NBAS: variants seen among roughly 807,000 people sequenced by gnomAD.
NBAS encodes NBAS subunit of NRZ tethering complex, also known as NAG/BC035112 fusion.
In NBAS, 219 loss-of-function variants were observed where a neutral mutation model predicts 302.5. The ratio of observed to expected loss-of-function variants is 0.72; its 90% CI spans 0.65 to 0.81. NBAS has a LOEUF of 0.81. NBAS is among the 30% of genes least tolerant of loss of function. The pLI, the probability that NBAS is intolerant of heterozygous loss-of-function variation, is 0.00. For synonymous variants in NBAS, 1,118 were observed against 1,021.6 expected (o/e 1.09, Z -1.80); for missense variants, 2,932 against 2,841.6 (o/e 1.03, Z -0.72).
At chr2:15,341,124 A>C (rs1285631270) in intron 35 of NBAS, among the ~76,000 whole-genome samples, 1 of 152,146 alleles carries the variant, frequency 6.6e-6, no homozygotes, top group Non-Finnish European at 1.5e-5. Context: ...AGTGGCTCAC[A>C]CCTGTAATTC....
chr2:15,221,595 G>A (rs972596239), intron 47 of NBAS, among the ~76,000 whole-genome samples: 5 of 152,188 alleles, frequency 3.3e-5, no homozygotes, highest in Non-Finnish European at 5.9e-5. Flanking sequence ...GTGAACAACT[G>A]TTTCGGAGGA....
At chr2:14,956,924 G>C in the NBAS span, among the ~76,000 whole-genome samples, 1 of 152,128 alleles carries the variant, frequency 6.6e-6, no homozygotes, top group African/African-American at 2.4e-5. Context: ...TATGCAAAGT[G>C]ATCTTATTTG....
the NBAS span, among the ~76,000 whole-genome samples, chr2:14,826,157 G>T: frequency 2.0e-5 from 3 of 152,218 alleles, no homozygotes; most frequent in African/African-American, 7.2e-5. Flanking sequence ...ACAAGTTCAG[G>T]GCTTCTCACT....
At chr2:15,330,537 A>T (rs756525832) in intron 36 of NBAS, 61 bp downstream of exon 36, 21 of 1,599,346 alleles carry the variant, frequency 1.3e-5, no homozygotes, top group Middle Eastern at 1.7e-4. Context: ...CAACTGAAAC[A>T]TTGCTAATGA....
chr2:15,357,588 C>T (rs1287482784), intron 32 of NBAS, among the ~76,000 whole-genome samples: 1 of 152,150 alleles, frequency 6.6e-6, no homozygotes, highest in East Asian at 1.9e-4. Flanking sequence ...TGGTCTTAAA[C>T]TCCTGGGCTC....
At chr2:15,158,140 C>A in the NBAS span, among the ~76,000 whole-genome samples, 4 of 152,150 alleles carry the variant, frequency 2.6e-5, no homozygotes, top group African/African-American at 9.7e-5. Flanking sequence ...AAGGCCTCCT[C>A]CAGGACCAAG....
the NBAS span, among the ~76,000 whole-genome samples, chr2:14,892,218 G>A: frequency 6.6e-6 from 1 of 152,126 alleles, no homozygotes; most frequent in Non-Finnish European, 1.5e-5. Context: ...CCACAGTAAA[G>A]CCTTCAGCAA....
At chr2:15,190,921 T>C (rs566756479) in intron 48 of NBAS, among the ~76,000 whole-genome samples, 64 of 152,332 alleles carry the variant, frequency 4.2e-4, no homozygotes, top group African/African-American at 1.4e-3. Flanking sequence ...ATCCTTTATT[T>C]ATACCTCCAT....
chr2:15,086,146 T>A, the NBAS span, among the ~76,000 whole-genome samples: 1 of 152,010 alleles, frequency 6.6e-6, no homozygotes, highest in African/African-American at 2.4e-5. Context: ...CCAATCCCCA[T>A]GCACTTCCTC....
At chr2:15,382,411 G>T (rs1195387625) in intron 29 of NBAS, among the ~76,000 whole-genome samples, 1 of 152,162 alleles carries the variant, frequency 6.6e-6, no homozygotes, top group Admixed American at 6.5e-5. Flanking sequence ...TGGAAGCAAT[G>T]CACAAATAAA....
the NBAS span, among the ~76,000 whole-genome samples, chr2:14,882,800 G>A: frequency 6.6e-6 from 1 of 152,066 alleles, no homozygotes; most frequent in African/African-American, 2.4e-5. Context: ...ATTATCAAAT[G>A]CCATGTTTAT....
intron 42 of NBAS, 45 bp downstream of exon 42, chr2:15,287,028 A>G: frequency 1.4e-6 from 2 of 1,467,120 alleles, no homozygotes; most frequent in Non-Finnish European, 1.9e-6. Flanking sequence ...AATAGACTCT[A>G]AAGAAAGACA....
At chr2:15,302,494 C>T (rs554584841) in intron 40 of NBAS, among the ~76,000 whole-genome samples, 20 of 152,212 alleles carry the variant, frequency 1.3e-4, no homozygotes, top group African/African-American at 4.8e-4. Flanking sequence ...TGAACAGCGG[C>T]TACCCTATGT....
At chr2:14,979,399 G>C in the NBAS span, among the ~76,000 whole-genome samples, 3 of 152,288 alleles carry the variant, frequency 2.0e-5, no homozygotes, top group East Asian at 5.8e-4. Context: ...TAATACTTTA[G>C]TAATGGTAAA....
At chr2:14,959,806 C>G in the NBAS span, among the ~76,000 whole-genome samples, 1 of 152,196 alleles carries the variant, frequency 6.6e-6, no homozygotes, top group East Asian at 1.9e-4. Context: ...ATACAATATT[C>G]CCTGAGAAGC....
At chr2:15,396,798 A>C (rs543761723) in intron 26 of NBAS, among the ~76,000 whole-genome samples, 1 of 152,334 alleles carries the variant, frequency 6.6e-6, no homozygotes, top group Admixed American at 6.5e-5. Context: ...ATCACTCTTT[A>C]CTACTGTTCT....
At chr2:15,229,126 G>C (rs1667266172) in intron 47 of NBAS, among the ~76,000 whole-genome samples, 1 of 151,916 alleles carries the variant, frequency 6.6e-6, no homozygotes, top group African/African-American at 2.4e-5. Context: ...TGGATCACCT[G>C]AAGTCAGGAG....
chr2:15,105,932 C>T, the NBAS span, among the ~76,000 whole-genome samples: 1 of 152,134 alleles, frequency 6.6e-6, no homozygotes, highest in Admixed American at 6.6e-5. Flanking sequence ...ATTACGATTC[C>T]CTTTCGCCTT....
chr2:14,864,456 C>T, the NBAS span, among the ~76,000 whole-genome samples: 5 of 152,208 alleles, frequency 3.3e-5, no homozygotes, highest in East Asian at 1.9e-4. Flanking sequence ...ACAGAAACAG[C>T]GAATATCCAA....
Sources: gnomAD v4.1 joint callset for allele counts (sites outside exome capture counted in the v4.1 genomes callset) on GRCh38, gnomAD v4.1.1 for gene constraint, MANE v1.5 for transcripts, NCBI Gene and HGNC (gene_info 2026-07-23, HGNC 2026-07-21) for gene names.